Variants in TTC7B observed in about 807,000 individuals in gnomAD.
TTC7B encodes the protein tetratricopeptide repeat domain 7B.
In TTC7B, 28 loss-of-function variants were observed where a neutral mutation model predicts 106.8. That is an observed-to-expected ratio of 0.26 (90% confidence interval 0.19 to 0.36). TTC7B has a LOEUF of 0.36. Ranked by LOEUF, TTC7B falls within the 10% of genes least tolerant of loss-of-function variation. TTC7B has a pLI of 1.00. For synonymous variants in TTC7B, 405 were observed against 430.6 expected (o/e 0.94, Z 0.74); for missense variants, 862 against 1,076.4 (o/e 0.80, Z 2.79).
intron 9 of TTC7B, among the ~76,000 whole-genome samples, chr14:90,662,807 T>G (rs1886262148): frequency 6.6e-6 from 1 of 152,212 alleles, no homozygotes; most frequent in Non-Finnish European, 1.5e-5. Context: ...TTTTAAAAAT[T>G]TTAACATTCT....
Position 90,624,859 on chromosome 14 carries a change from C to T in TTC7B, c.1752-6814G>A, listed in dbSNP as rs149046994. 3.3e-5 allele frequency among the ~76,000 whole-genome samples: 5 copies of T among 152,328 alleles called. No homozygotes were observed. The highest frequency in any genetic ancestry group is 1.9e-4 in the East Asian group (1 of 5,182). Reference sequence around the variant, plus strand: ...CGTATCTTGTGCTGATCTGTGTTTGCGAGCTCCTGGGCTCTGCATGCCAGG... The same window carrying T: ...CGTATCTTGTGCTGATCTGTGTTTGTGAGCTCCTGGGCTCTGCATGCCAGG... On this transcript the variant is annotated intron_variant, in intron 15 of 19. Transcript: ENST00000328459. This position sits in a 1 kb window ranked among gnomAD's most constrained non-coding sequence, Gnocchi z 4.0.
intron 3 of TTC7B, among the ~76,000 whole-genome samples, chr14:90,755,659 TA>T (rs11284003): frequency 0.72 from 107,628 of 149,806 alleles, 38,824 homozygotes; most frequent in African/African-American, 0.84. Context: ...ACCCTGTCAC[TA>T]AAAAAAACAA....
chr14:90,525,278 G>A lies in TTC7B; in HGVS notation c.*16090C>T, dbSNP rs1262094020. The A allele has an allele frequency of 3.9e-5, 6 of 152,238 alleles. No homozygotes were observed. Among genetic ancestry groups the A allele is most frequent in the African/African-American group, 1.2e-4 (5 of 41,454 alleles). 9.4% of individuals were successfully genotyped at this position (152,238 alleles called of 1,614,324 possible). ...TCACCCATGTTGCTGCAGGCACCAAGCCCCTCATATGGACAGATCACAATT... is the reference window on the plus strand; with the variant it reads ...TCACCCATGTTGCTGCAGGCACCAAACCCCTCATATGGACAGATCACAATT... On this transcript the variant is annotated 3_prime_UTR_variant, in exon 20 of 20. Coordinates refer to ENST00000328459, the MANE Select transcript of TTC7B (RefSeq NM_001010854.2).
At chr14:90,549,864 C>G (rs1399507428) in intron 19 of TTC7B, among the ~76,000 whole-genome samples, 1 of 152,052 alleles carries the variant, frequency 6.6e-6, no homozygotes, top group Non-Finnish European at 1.5e-5. Context: ...AGCAGATCGC[C>G]CAGCATATTT....
At chr14:90,721,263 T>G (rs1194390340) in intron 5 of TTC7B, among the ~76,000 whole-genome samples, 1 of 152,244 alleles carries the variant, frequency 6.6e-6, no homozygotes, top group Non-Finnish European at 1.5e-5. Context: ...GAGGAAGCTT[T>G]CTGACGGCAT....
At chr14:90,799,722 G>A (rs1482867079) in intron 1 of TTC7B, among the ~76,000 whole-genome samples, 2 of 152,300 alleles carry the variant, frequency 1.3e-5, no homozygotes, top group African/African-American at 2.4e-5. Context: ...GATAGACAGC[G>A]GGGCAGGTAA....
At chr14:90,789,000 TC>T (rs1198162257) in intron 1 of TTC7B, among the ~76,000 whole-genome samples, 1 of 152,206 alleles carries the variant, frequency 6.6e-6, no homozygotes, top group Non-Finnish European at 1.5e-5. Context: ...TTTCATTTTT[TC>T]CTTTTAATAT....
chr14:90,747,247 T>G (rs1889995968), intron 3 of TTC7B, among the ~76,000 whole-genome samples: 1 of 152,176 alleles, frequency 6.6e-6, no homozygotes, highest in Non-Finnish European at 1.5e-5. Flanking sequence ...ATTTCAAAAG[T>G]ACTGTCACAC....
At chr14:90,680,613 G>T in intron 7 of TTC7B, 78 bp from the exon 8 acceptor site, 4 of 1,050,280 alleles carry the variant, frequency 3.8e-6, no homozygotes, top group South Asian at 1.4e-5. Context: ...AACACTAAAA[G>T]CTTCCAGAAT....
At chr14:90,565,003 T>C (rs1283842748) in intron 19 of TTC7B, among the ~76,000 whole-genome samples, 2 of 152,266 alleles carry the variant, frequency 1.3e-5, no homozygotes, top group African/African-American at 4.8e-5. Context: ...CTGTCTGCAC[T>C]TGTTGCTTCA....
intron 12 of TTC7B, 33 bp downstream of exon 12, chr14:90,654,960 G>A (rs772566685): frequency 3.3e-6 from 5 of 1,506,164 alleles, no homozygotes; most frequent in Non-Finnish European, 9.2e-7. Context: ...CAGCCCTGCA[G>A]CTCAGCAGCT....
intron 19 of TTC7B, among the ~76,000 whole-genome samples, chr14:90,557,325 G>A (rs1464425427): frequency 6.6e-6 from 1 of 152,168 alleles, no homozygotes; most frequent in Non-Finnish European, 1.5e-5. Flanking sequence ...GTGGGGCAGA[G>A]GGCCACGCTC....
At chr14:90,801,694 G>A (rs767771910) in intron 1 of TTC7B, among the ~76,000 whole-genome samples, 8 of 152,188 alleles carry the variant, frequency 5.3e-5, no homozygotes, top group Non-Finnish European at 8.8e-5. Flanking sequence ...GAGAAACCAC[G>A]ACCATGTCTG....
chr14:90,659,723 G>T (rs1886108141), intron 9 of TTC7B, among the ~76,000 whole-genome samples: 1 of 152,190 alleles, frequency 6.6e-6, no homozygotes, highest in Non-Finnish European at 1.5e-5. Context: ...GGAGAACACA[G>T]GCCATGGGGA....
chr14:90,572,632 C>T lies in TTC7B; in HGVS notation c.2310+5474G>A, dbSNP rs1226470370. Among the ~76,000 whole-genome samples the T allele has an allele frequency of 2.6e-5, 4 of 152,194 alleles. No individual in the cohort carries two copies. The East Asian group carries it at 5.8e-4, about 22-fold the overall frequency. On this transcript the variant is annotated intron_variant, in intron 19 of 19. Coordinates refer to ENST00000328459, the MANE Select transcript of TTC7B (RefSeq NM_001010854.2). The stretch of plus-strand genomic sequence containing the variant: ...CATAGAGGAACTCCTCAAAGACAGC[C>T]TGTGTATGAAACCTTTAGCCTGCAG...
intron 19 of TTC7B, among the ~76,000 whole-genome samples, chr14:90,564,895 A>G (rs1890725592): frequency 6.6e-6 from 1 of 152,246 alleles, no homozygotes; most frequent in Non-Finnish European, 1.5e-5. Flanking sequence ...TGGGAGGCAG[A>G]GTGAGACCTC....
rs758287885 is a variant in TTC7B at position 90,610,727 on chromosome 14, G to T, written c.1966+15C>A. 4.3e-5 allele frequency: 69 copies of T among 1,590,572 alleles called. No individual in the cohort carries two copies. Among genetic ancestry groups the T allele is most frequent in the Non-Finnish European group, 5.6e-5 (65 of 1,159,198 alleles). On this transcript the variant is annotated intron_variant, in intron 17 of 19. Transcript: ENST00000328459. ...CCATTACACCATTTCGTCCCCTCTG[G>T]CTTTTTATTCTCACCTGTCTCGGGA...
intron 16 of TTC7B, among the ~76,000 whole-genome samples, chr14:90,615,125 G>A (rs1893017336): frequency 6.6e-6 from 1 of 152,218 alleles, no homozygotes; most frequent in Admixed American, 6.5e-5. Context: ...AACTGCAGGT[G>A]GAACACTATT....
Position 90,539,567 on chromosome 14 carries a change from G to A in TTC7B, c.*1801C>T, listed in dbSNP as rs1889506056. On this transcript the variant is annotated 3_prime_UTR_variant, in exon 20 of 20. Transcript: ENST00000328459. Reference sequence around the variant, plus strand: ...TCCTACCTACTGTCTCTCCCTCCTTGGCTGCCCCCTAGCCCGCCTGCCTCA... The same window carrying A: ...TCCTACCTACTGTCTCTCCCTCCTTAGCTGCCCCCTAGCCCGCCTGCCTCA... 6.6e-6 allele frequency: 1 copy of A among 152,480 alleles called. No homozygotes were observed. The highest frequency in any genetic ancestry group is 1.5e-5 in the Non-Finnish European group (1 of 68,270). The allele number at this position is 152,480 out of a possible 1,614,324, so 9.4% of individuals were successfully genotyped here.
Sources: allele counts gnomAD v4.1 joint callset (sites outside exome capture counted in the v4.1 genomes callset), GRCh38; gene constraint gnomAD v4.1.1; non-coding constraint Gnocchi (gnomAD v3.1); transcripts MANE v1.5; gene names NCBI Gene and HGNC (gene_info 2026-07-23, HGNC 2026-07-21).